Variants in TRIM77 observed in about 807,000 individuals in gnomAD.
TRIM77 encodes tripartite motif containing 77.
A neutral mutation model predicts 31.8 loss-of-function variants in TRIM77; 23 were observed. That is an observed-to-expected ratio of 0.72 (90% CI 0.52 to 1.02). The LOEUF (loss-of-function observed/expected upper bound fraction) is 1.02, where lower values mean the gene tolerates loss of function less well. Among genes scored for constraint, TRIM77 ranks in the 50% least tolerant of loss-of-function variants. The probability of loss-of-function intolerance (pLI) is 0.00; values close to 1 mark genes in which losing one functional copy is unlikely to be tolerated. For synonymous variants in TRIM77, 159 were observed against 183.1 expected (o/e 0.87, Z 1.06); for missense variants, 446 against 539.2 (o/e 0.83, Z 1.71).
rs190920551 is a variant in TRIM77, at chr11:89,717,454, G to T, written c.935G>T (p.Ser312Ile). 13 of 1,551,538 alleles carry T rather than the reference G, an allele frequency of 8.4e-6. No individual in the cohort carries two copies. Among genetic ancestry groups the T allele is most frequent in the Non-Finnish European group, 1.1e-5 (13 of 1,146,886 alleles). Residue 312 changes from serine (S) to isoleucine (I), a missense_variant, in exon 6 of 6, where the codon AGC (serine) becomes ATC (isoleucine). By Grantham distance (142) the Ser-to-Ile change is moderately radical. Transcript: ENST00000398290. Reference protein sequence around the residue: ...LFEDLRHLQCSLDDTDMSCNP... With the variant: ...LFEDLRHLQCILDDTDMSCNP... ...GAAGACCTAAGGCATTTGCAGTGCA[G>T]CCTTGATGATACAGACATGTCCTGT...
chr11:89,717,480 A>G lies in TRIM77; in HGVS notation c.961A>G (p.Asn321Asp), dbSNP rs1052506137. ...CCTTGATGATACAGACATGTCCTGTAATCCAACAAGTACACAGTATACTTC... is the reference window on the plus strand; with the variant it reads ...CCTTGATGATACAGACATGTCCTGTGATCCAACAAGTACACAGTATACTTC... ...CSLDDTDMSC[N>D]PTSTQYTSSW... The change falls in exon 6 of 6, where the codon AAT becomes GAT. Residue 321 changes from asparagine to aspartate, a missense_variant. Around this residue, in one of 3 missense-constraint regions of TRIM77, gnomAD observed 366 missense variants for 447.9 expected, o/e 0.82. Coordinates refer to ENST00000398290, the MANE Select transcript of TRIM77 (RefSeq NM_001146162.1). The G allele has an allele frequency of 5.8e-6, 9 of 1,551,478 alleles. No individual in the cohort carries two copies. The highest frequency in any genetic ancestry group is 2.7e-5 in the African/African-American group (2 of 73,044).
intron 5 of TRIM77, among the ~76,000 whole-genome samples, chr11:89,717,074 G>A (rs1346311846): frequency 6.6e-6 from 1 of 152,034 alleles, no homozygotes; most frequent in Non-Finnish European, 1.5e-5. Context: ...TTGCTAAACT[G>A]TCTCCATAAT....
At position 89,710,330 on chromosome 11, in the gene TRIM77, G is replaced by T. The variant is rs1949112535; in HGVS notation, c.32G>T (p.Ser11Ile). The change falls in exon 1 of 6, where the codon AGT becomes ATT. Residue 11 changes from serine to isoleucine, a missense_variant. Around this residue, in one of 3 missense-constraint regions of TRIM77, gnomAD observed 72 missense variants for 64.7 expected, o/e 1.11. Transcript: ENST00000398290. The part of the protein sequence containing the change: MASAITQCST[S>I]ELTCSICTDY... ...TCTGCTATCACGCAGTGTTCTACCAGTGAGCTCACCTGCTCGATCTGCACA... is the reference window on the plus strand; with the variant it reads ...TCTGCTATCACGCAGTGTTCTACCATTGAGCTCACCTGCTCGATCTGCACA... The T allele has an allele frequency of 5.8e-6, 9 of 1,540,888 alleles. No homozygotes were observed. The highest frequency in any genetic ancestry group is 7.9e-6 in the Non-Finnish European group (9 of 1,137,766).
At position 89,714,239 on chromosome 11, in the gene TRIM77, G is replaced by A. The variant is rs1025432398; in HGVS notation, c.555G>A (p.Lys185=). ...RSMMISAEYP[K]VCQYLREEEQ... ...TGATGATCAGTGCTGAATATCCTAA[G>A]GTGTGTCAATACCTCCGTGAAGAAG... is the stretch of plus-strand genomic sequence containing the variant. The change falls in exon 3 of 6, where the codon AAG becomes AAA. Residue 185 remains lysine, a synonymous_variant. Coordinates refer to ENST00000398290, the MANE Select transcript of TRIM77 (RefSeq NM_001146162.1). The A allele has an allele frequency of 7.1e-6, 11 of 1,551,532 alleles. No individual in the cohort carries two copies. The Admixed American group carries it at 1.8e-4, about 25-fold the overall frequency.
Position 89,710,546 on chromosome 11 carries a change from G to A in TRIM77, c.248G>A (p.Cys83Tyr). 1.3e-6 allele frequency: 2 copies of A among 1,551,688 alleles called. No homozygotes were observed. Among genetic ancestry groups the A allele is most frequent in the Non-Finnish European group, 1.7e-6 (2 of 1,146,978 alleles). Residue 83 changes from cysteine (C) to tyrosine (Y), a missense_variant, in exon 1 of 6, where the codon TGC becomes TAC. Cys to Tyr is a radical substitution (Grantham distance 194, BLOSUM62 -2). Transcript: ENST00000398290. ...QVIPTRESVPCQLSSSAMLIC... is the reference protein window; with the variant it reads ...QVIPTRESVPYQLSSSAMLIC... ...ATTCCTACAAGAGAATCAGTCCCCT[G>A]CCAGTTATCAAGCTCTGCCATGCTG...
intron 2 of TRIM77, among the ~76,000 whole-genome samples, chr11:89,713,086 A>G (rs1172185692): frequency 2.6e-5 from 4 of 151,898 alleles, no homozygotes; most frequent in Admixed American, 6.6e-5. Context: ...ATCTTGGCCA[A>G]TGTGGTGAAA....
At chr11:89,712,753 G>A (rs763099181) in intron 2 of TRIM77, among the ~76,000 whole-genome samples, 1 of 152,124 alleles carries the variant, frequency 6.6e-6, no homozygotes, top group Non-Finnish European at 1.5e-5. Flanking sequence ...GTAATGTTTG[G>A]TTCAGGAAAG....
chr11:89,712,075 G>T (rs1050332476), intron 2 of TRIM77, among the ~76,000 whole-genome samples: 62 of 152,102 alleles, frequency 4.1e-4, no homozygotes, highest in Non-Finnish European at 1.2e-4. Flanking sequence ...GAATGCTTAG[G>T]TAAGAATTTA....
chr11:89,714,157 A>G lies in TRIM77; in HGVS notation c.508-35A>G, dbSNP rs1267778541. On this transcript the variant is annotated intron_variant, in intron 2 of 5. Coordinates refer to ENST00000398290, the MANE Select transcript of TRIM77 (RefSeq NM_001146162.1). ...TGATAAGGAAAGAATAAAACCACTTAGACACATGATTTAATTAATCAACTA... is the reference window on the plus strand; with the variant it reads ...TGATAAGGAAAGAATAAAACCACTTGGACACATGATTTAATTAATCAACTA... The G allele has an allele frequency of 6.4e-6, 9 of 1,405,986 alleles. No homozygotes were observed. In the South Asian group the frequency reaches 1.1e-4, roughly 17 times the overall value. The allele number at this position is 1,405,986 out of a possible 1,614,324, so 87.1% of individuals were successfully genotyped here. A position where few individuals can be genotyped will look rare whatever the true frequency, so the allele number is the denominator to read the frequency against.
intron 2 of TRIM77, among the ~76,000 whole-genome samples, chr11:89,713,228 A>T (rs1233980864): frequency 2.7e-5 from 4 of 147,336 alleles, no homozygotes; most frequent in Admixed American, 6.9e-5. Context: ...GTGAGCTGAG[A>T]TCATGCCACT....
intron 4 of TRIM77, 66 bp downstream of exon 4, chr11:89,715,246 C>A (rs537967538): frequency 7.0e-7 from 1 of 1,426,930 alleles, no homozygotes; most frequent in East Asian, 2.5e-5. Context: ...CTGCTGGGAT[C>A]GACCCACACT....
intron 3 of TRIM77, among the ~76,000 whole-genome samples, chr11:89,714,805 G>A (rs1169631932): frequency 1.3e-5 from 2 of 152,128 alleles, no homozygotes; most frequent in African/African-American, 2.4e-5. Context: ...TTTTAGTTTT[G>A]AAGTCCTAAA....
intron 3 of TRIM77, 72 bp downstream of exon 3, chr11:89,714,494 C>T (rs1180347483): frequency 2.8e-5 from 29 of 1,031,302 alleles, no homozygotes; most frequent in Non-Finnish European, 3.4e-5. Flanking sequence ...AGTCTATATC[C>T]TTTTTGATCT....
intron 2 of TRIM77, among the ~76,000 whole-genome samples, chr11:89,713,473 TAATAATA>T (rs1460109666): frequency 1.4e-5 from 2 of 141,866 alleles, no homozygotes; most frequent in Non-Finnish European, 3.1e-5. Context: ...ATAATAATAA[TAATAATA>T]ATAATAATAA....
chr11:89,717,203 T>C (rs1428992158), intron 5 of TRIM77, among the ~76,000 whole-genome samples, 176 bp from the exon 6 acceptor site: 4 of 152,196 alleles, frequency 2.6e-5, no homozygotes, highest in Non-Finnish European at 5.9e-5. Context: ...TATTAAATTG[T>C]TGGTAGCTTG....
rs1380437355 is a variant in TRIM77, at chr11:89,714,276, G to A, written c.592G>A (p.Val198Ile). 2.6e-5 allele frequency: 40 copies of A among 1,551,610 alleles called. No individual in the cohort carries two copies. Among genetic ancestry groups the A allele is most frequent in the East Asian group, 1.5e-4 (6 of 40,926 alleles). The change falls in exon 3 of 6, where the codon GTA (valine) becomes ATA (isoleucine). Residue 198 changes from valine to isoleucine, a missense_variant. Physicochemically the swap from Val to Ile is conservative, Grantham distance 29. Around this residue, in one of 3 missense-constraint regions of TRIM77, gnomAD observed 366 missense variants for 447.9 expected, o/e 0.82. Transcript: ENST00000398290. ...CCTCCGTGAAGAAGAGCAAAAGCAC[G>A]TAGAGAGCCTGGCAAGAGAAGGCAG... Reference protein sequence around the residue: ...QYLREEEQKHVESLAREGRII... With the variant: ...QYLREEEQKHIESLAREGRII...
rs574449275 is a variant in TRIM77, at chr11:89,717,856, G to A, written c.1337G>A (p.Cys446Tyr). The change falls in exon 6 of 6, where the codon TGC becomes TAC. Residue 446 changes from cysteine (C) to tyrosine (Y), a missense_variant. Cys to Tyr is a radical substitution (Grantham distance 194). This residue lies in a region of TRIM77 where 366 missense variants were observed against 447.9 expected (regional missense o/e 0.82). Coordinates refer to ENST00000398290, the MANE Select transcript of TRIM77 (RefSeq NM_001146162.1). ...IFYFPLRPFI[C>Y]HGSK The stretch of plus-strand genomic sequence containing the variant: ...TATTTTCCTCTCAGACCTTTCATTT[G>A]CCACGGATCTAAATAATCAGGGACA... 4.9e-5 allele frequency: 76 copies of A among 1,537,486 alleles called. 1 individual carries two copies. The South Asian group carries it at 9.4e-4, about 19-fold the overall frequency.
chr11:89,712,528 G>A lies in TRIM77; in HGVS notation c.507+1023G>A, dbSNP rs182615801. Among the ~76,000 whole-genome samples, 229 of 152,290 alleles carry A rather than the reference G, an allele frequency of 1.5e-3. 1 individual carries two copies. Among genetic ancestry groups the A allele is most frequent in the African/African-American group, 5.4e-3 (224 of 41,554 alleles). On this transcript the variant is annotated intron_variant, in intron 2 of 5. Coordinates refer to ENST00000398290, the MANE Select transcript of TRIM77 (RefSeq NM_001146162.1). Reference sequence around the variant, plus strand: ...TGGATACAAAGAATCCAGGTTTGTAGAATCTATGCTGGCCAAGAAGAACCC... The same window carrying A: ...TGGATACAAAGAATCCAGGTTTGTAAAATCTATGCTGGCCAAGAAGAACCC...
chr11:89,710,697 T>C lies in TRIM77; in HGVS notation c.399T>C (p.Asp133=). The C allele has an allele frequency of 6.5e-7, 1 of 1,544,770 alleles. No homozygotes were observed. Among genetic ancestry groups the C allele is most frequent in the Non-Finnish European group, 8.7e-7 (1 of 1,142,948 alleles). ...AACACTATATGACAAGGGAGGCTGA[T>C]GAATACTATAGGGTAAGTAAATGCT... ...THKHYMTREA[D]EYYRKKLLIQ... is the part of the protein sequence containing the mutation. Residue 133 remains aspartate, a synonymous_variant, in exon 1 of 6, where the codon GAT becomes GAC. Coordinates refer to ENST00000398290, the MANE Select transcript of TRIM77 (RefSeq NM_001146162.1).
Sources: gnomAD v4.1 joint callset for allele counts (sites outside exome capture counted in the v4.1 genomes callset) on GRCh38, gnomAD v4.1.1 for gene constraint, gnomAD v4.1.1 regional missense constraint, MANE v1.5 for transcripts, NCBI Gene and HGNC (gene_info 2026-07-23, HGNC 2026-07-21) for gene names.